Variants in VAV3 observed in about 807,000 individuals in gnomAD.
VAV3 encodes the protein guanine nucleotide exchange factor VAV3.
Under a neutral mutation model 131.2 loss-of-function variants are expected in VAV3, and 94 were observed. That is an observed-to-expected ratio of 0.72 (90% CI 0.61 to 0.85). The LOEUF is 0.85. Among genes scored for constraint, VAV3 ranks in the 40% least tolerant of loss-of-function variants. The probability of loss-of-function intolerance (pLI) is 0.00; values close to 1 mark genes in which losing one functional copy is unlikely to be tolerated. For synonymous variants in VAV3, 349 were observed against 342.0 expected, an observed-to-expected ratio of 1.02 and a Z score of -0.22; for missense variants, 939 against 1,002.7, an observed-to-expected ratio of 0.94 and a Z score of 0.86.
chr1:107,909,623 C>CT (rs1288818940), intron 1 of VAV3, among the ~76,000 whole-genome samples: 10 of 152,218 alleles, frequency 6.6e-5, no homozygotes, highest in African/African-American at 1.9e-4. Context: ...TTCCGAAAAA[C>CT]TTATGGTGTA....
intron 19 of VAV3, 89 bp from the exon 20 acceptor site, chr1:107,642,844 T>C: frequency 6.5e-7 from 1 of 1,540,316 alleles, no homozygotes; most frequent in African/African-American, 1.4e-5. Context: ...ATTATTAACA[T>C]TAAAAAGTGT....
At chr1:107,785,648 G>A in intron 2 of VAV3, 1 of 1,120,450 alleles carries the variant, frequency 8.9e-7, no homozygotes. Flanking sequence ...GTGCCCTGTG[G>A]GGTTGTGGAG....
At chr1:107,588,272 G>C (rs1367708631) in intron 25 of VAV3, among the ~76,000 whole-genome samples, 2 of 152,174 alleles carry the variant, frequency 1.3e-5, no homozygotes, top group Non-Finnish European at 2.9e-5. Flanking sequence ...AATGAAGAGA[G>C]AAGAATATAA....
intron 15 of VAV3, among the ~76,000 whole-genome samples, chr1:107,722,439 C>CA (rs1661554522): frequency 6.6e-6 from 1 of 152,128 alleles, no homozygotes; most frequent in African/African-American, 2.4e-5. Context: ...ACTCCTAAGA[C>CA]AAAAATTGGA....
intron 25 of VAV3, among the ~76,000 whole-genome samples, chr1:107,575,559 C>T (rs1349980635): frequency 6.6e-6 from 1 of 152,182 alleles, no homozygotes; most frequent in Non-Finnish European, 1.5e-5. Context: ...ACACAAACCA[C>T]TTTAATAGCT....
At chr1:107,915,180 T>C (rs1040850247) in intron 1 of VAV3, among the ~76,000 whole-genome samples, 1 of 152,156 alleles carries the variant, frequency 6.6e-6, no homozygotes, top group African/African-American at 2.4e-5. Context: ...TGTAGACTAG[T>C]CAGTTTCCAA....
rs1666815779 is a variant in VAV3 at position 107,801,266 on chromosome 1, G to A, written c.322-21774C>T. Among the ~76,000 whole-genome samples, 2 of 152,024 alleles carry A rather than the reference G, an allele frequency of 1.3e-5. 1 individual carries two copies. The highest frequency in any genetic ancestry group is 1.3e-4 in the Admixed American group (2 of 15,248). ...CTGTGATGCCTCCAGCTTTGTAGTT[G>A]TTGCTCAGAATTGCTTTAGCTATTC... is the stretch of plus-strand genomic sequence containing the variant. On this transcript the variant is annotated intron_variant, in intron 2 of 26. Transcript: ENST00000370056.
chr1:107,765,837 C>T (rs973244739), intron 8 of VAV3, among the ~76,000 whole-genome samples: 2 of 152,118 alleles, frequency 1.3e-5, no homozygotes, highest in African/African-American at 2.4e-5. Context: ...GAATATTTAT[C>T]GAAGACTTGA....
chr1:107,666,690 G>A (rs557805848), intron 19 of VAV3, among the ~76,000 whole-genome samples: 3 of 151,558 alleles, frequency 2.0e-5, no homozygotes, highest in South Asian at 2.1e-4. Context: ...CTGCCTCAGC[G>A]TCCTGAGTGG....
intron 20 of VAV3, among the ~76,000 whole-genome samples, chr1:107,619,511 C>T (rs1653410839): frequency 6.6e-6 from 1 of 152,070 alleles, no homozygotes; most frequent in Admixed American, 6.5e-5. Flanking sequence ...AAACACACTA[C>T]AATGCTACCT....
chr1:107,801,733 AC>A (rs1666836073), intron 2 of VAV3, among the ~76,000 whole-genome samples: 1 of 152,080 alleles, frequency 6.6e-6, no homozygotes, highest in Admixed American at 6.6e-5. Flanking sequence ...ACCACAAGGC[AC>A]CCCTGGAGTC....
At chr1:107,908,049 T>C (rs1040556422) in intron 1 of VAV3, among the ~76,000 whole-genome samples, 1 of 152,198 alleles carries the variant, frequency 6.6e-6, no homozygotes, top group African/African-American at 2.4e-5. Context: ...CAGGGTATAT[T>C]ATCTGTTGAT....
chr1:107,642,676 G>A lies in VAV3; in HGVS notation c.1857C>T (p.Leu619=). The change falls in exon 20 of 27, where the codon CTC becomes CTT. Residue 619 remains leucine, a synonymous_variant. Coordinates refer to ENST00000370056, the MANE Select transcript of VAV3 (RefSeq NM_006113.5). ...GAAGTTCAACGGTATCCCCGGCCTG[G>A]AGCTGTAAAGGGGGTCCTTCATGCA... ...PALHEGPPLQ[L]QAGDTVELLK... 1 of 1,613,346 alleles carries A rather than the reference G, an allele frequency of 6.2e-7. No homozygotes were observed. The highest frequency in any genetic ancestry group is 8.5e-7 in the Non-Finnish European group (1 of 1,179,632).
At chr1:107,732,650 T>G (rs1662325597) in intron 15 of VAV3, among the ~76,000 whole-genome samples, 1 of 152,166 alleles carries the variant, frequency 6.6e-6, no homozygotes, top group South Asian at 2.1e-4. Flanking sequence ...GGCGGCAGAC[T>G]GGCTGGGGAA....
chr1:107,638,407 TTAAAA>T (rs1187420769), intron 20 of VAV3, among the ~76,000 whole-genome samples: 2 of 152,006 alleles, frequency 1.3e-5, no homozygotes, highest in East Asian at 3.8e-4. Flanking sequence ...ACAACATAAA[TTAAAA>T]TATTAAAACT....
chr1:107,722,949 A>G (rs1661593517), intron 15 of VAV3, among the ~76,000 whole-genome samples: 1 of 148,238 alleles, frequency 6.7e-6, no homozygotes, highest in Non-Finnish European at 1.5e-5. Flanking sequence ...CTCAAATGTT[A>G]TCTCCTCTGA....
intron 20 of VAV3, among the ~76,000 whole-genome samples, chr1:107,632,764 A>C (rs1009966855): frequency 6.6e-6 from 1 of 152,226 alleles, no homozygotes; most frequent in African/African-American, 2.4e-5. Context: ...TTGGCACTCA[A>C]TGCATACTTG....
At chr1:107,774,363 G>A (rs936009266) in intron 4 of VAV3, among the ~76,000 whole-genome samples, 1 of 152,170 alleles carries the variant, frequency 6.6e-6, no homozygotes, top group Non-Finnish European at 1.5e-5. Flanking sequence ...CACCGCGCCT[G>A]GCTGACTTTT....
intron 20 of VAV3, among the ~76,000 whole-genome samples, chr1:107,623,861 T>C (rs1252353719): frequency 6.6e-6 from 1 of 152,186 alleles, no homozygotes; most frequent in Non-Finnish European, 1.5e-5. Context: ...GTACAAAATG[T>C]CCCTATCTCT....
Sources: allele counts gnomAD v4.1 joint callset (sites outside exome capture counted in the v4.1 genomes callset), GRCh38; gene constraint gnomAD v4.1.1; transcripts MANE v1.5; gene names NCBI Gene and HGNC (gene_info 2026-07-23, HGNC 2026-07-21).